The following METTL25 variants were observed in gnomAD, a reference collection of about 807,000 sequenced individuals.
The protein encoded by METTL25 is probable methyltransferase-like protein 25.
A neutral mutation model predicts 71.6 loss-of-function variants in METTL25; 64 were observed. The observed-to-expected ratio is 0.89, with a 90% CI of 0.73 to 1.10. The LOEUF (loss-of-function observed/expected upper bound fraction) is 1.10. METTL25 is among the 50% of genes least tolerant of loss of function. The pLI is 0.00. For missense variants in METTL25, 807 were observed against 707.0 expected (o/e 1.14, Z -1.60); for synonymous variants, 287 against 250.3 (o/e 1.15, Z -1.38).
intron 5 of METTL25, among the ~76,000 whole-genome samples, chr12:82,414,757 CATTTT>C (rs60052952): frequency 0.92 from 139,902 of 151,888 alleles, 64,785 homozygotes; most frequent in East Asian, 1. Flanking sequence ...ATAATCTACT[CATTTT>C]ATATATAAAT....
At chr12:82,431,034 T>C (rs1889454045) in intron 6 of METTL25, 47 bp downstream of exon 6, 1 of 1,303,864 alleles carries the variant, frequency 7.7e-7, no homozygotes, top group South Asian at 1.3e-5. Flanking sequence ...CCAGATGTTG[T>C]AGAATTTATT....
At position 82,399,007 on chromosome 12, in the gene METTL25, GCAAAATAAAGTT is replaced by G. The variant is rs750272215; in HGVS notation, c.745_756del (p.Gln249_Val252del). On this transcript the variant is annotated inframe_deletion, in exon 4 of 12. Transcript: ENST00000248306. ...TAAAAATGGCAAAAGAAAGGAAAGT[GCAAAATAAAGTT>G]AAAAATAAAGCTGATACTGAGGAAG... 1 of 1,608,910 alleles carries G rather than the reference GCAAAATAAAGTT, an allele frequency of 6.2e-7. No individual in the cohort carries two copies. Among genetic ancestry groups the G allele is most frequent in the East Asian group, 2.2e-5 (1 of 44,724 alleles).
chr12:82,396,729 C>A (rs1014680461), intron 3 of METTL25, among the ~76,000 whole-genome samples: 1 of 152,026 alleles, frequency 6.6e-6, no homozygotes, highest in African/African-American at 2.4e-5. Context: ...ATATACCTAT[C>A]CTCCTAAAAA....
Position 82,358,579 on chromosome 12 carries a change from GC to G in METTL25, c.17del (p.Pro6LeufsTer4). 6.2e-7 allele frequency: 1 copy of G among 1,611,458 alleles called. No homozygotes were observed. Among genetic ancestry groups the G allele is most frequent in the Non-Finnish European group, 8.5e-7 (1 of 1,179,872 alleles). On this transcript the variant is annotated frameshift_variant, in exon 1 of 12. Coordinates refer to ENST00000248306, the MANE Select transcript of METTL25 (RefSeq NM_032230.3). LOFTEE classifies it high-confidence loss of function. ...AGGGTGAGCGTCATGGCGGCTTCTT[GC>G]CCTCTCCCGGTGACCCCGGACCTGC... The part of the protein sequence containing the change: MAAS[C>X]PLPVTPDLPT...
chr12:82,363,924 T>C (rs1882262129), intron 1 of METTL25, among the ~76,000 whole-genome samples: 1 of 152,180 alleles, frequency 6.6e-6, no homozygotes. Flanking sequence ...GTTATAAATA[T>C]GTTTAAAGAG....
chr12:82,454,102 C>G (rs930632085), intron 8 of METTL25, among the ~76,000 whole-genome samples: 1 of 152,046 alleles, frequency 6.6e-6, no homozygotes, highest in Non-Finnish European at 1.5e-5. Context: ...AATAAAAAAT[C>G]TAATATTCTC....
chr12:82,449,899 C>T (rs1006175978), intron 8 of METTL25, among the ~76,000 whole-genome samples: 2 of 152,082 alleles, frequency 1.3e-5, no homozygotes, highest in African/African-American at 2.4e-5. Flanking sequence ...TTTCCCATTT[C>T]CCTTTAAACA....
At chr12:82,377,984 T>C (rs1224813905) in intron 1 of METTL25, among the ~76,000 whole-genome samples, 1 of 152,222 alleles carries the variant, frequency 6.6e-6, no homozygotes, top group Non-Finnish European at 1.5e-5. Context: ...CATCTTGATT[T>C]AGGCCGACAC....
At chr12:82,384,561 G>A (rs1393804741) in intron 1 of METTL25, among the ~76,000 whole-genome samples, 2 of 151,754 alleles carry the variant, frequency 1.3e-5, no homozygotes, top group Non-Finnish European at 2.9e-5. Flanking sequence ...GTAAAACTAG[G>A]GTTAGACCAA....
intron 8 of METTL25, among the ~76,000 whole-genome samples, chr12:82,440,153 TCA>T (rs1890212190): frequency 6.6e-6 from 1 of 151,990 alleles, no homozygotes; most frequent in Non-Finnish European, 1.5e-5. Context: ...TATGTTTTCT[TCA>T]CAGTTTCTTA....
Position 82,369,979 on chromosome 12 carries a change from C to T in METTL25, c.259+11155C>T, listed in dbSNP as rs888939994. 3.3e-5 allele frequency among the ~76,000 whole-genome samples: 5 copies of T among 152,106 alleles called. No individual in the cohort carries two copies. In the East Asian group the frequency reaches 9.7e-4, roughly 29 times the overall value. ...AGTGCTGATTGGTGCATTTATAATC[C>T]TCTAGCTAGACAGAAAAGTTCTTCA... On this transcript the variant is annotated intron_variant, in intron 1 of 11. Coordinates refer to ENST00000248306, the MANE Select transcript of METTL25 (RefSeq NM_032230.3).
intron 8 of METTL25, among the ~76,000 whole-genome samples, chr12:82,442,171 C>T (rs1195483389): frequency 6.6e-6 from 1 of 152,000 alleles, no homozygotes; most frequent in Non-Finnish European, 1.5e-5. Context: ...CAAGGTAACC[C>T]CTATCAGGGT....
intron 1 of METTL25, chr12:82,369,547 C>T (rs773108853): frequency 3.2e-5 from 14 of 433,086 alleles, no homozygotes; most frequent in East Asian, 1.5e-4. Context: ...AGAATGAAGC[C>T]GCGGACCTTC....
At chr12:82,358,891 C>T (rs1479994222) in intron 1 of METTL25, 67 bp downstream of exon 1, 2 of 1,532,616 alleles carry the variant, frequency 1.3e-6, no homozygotes, top group Non-Finnish European at 8.8e-7. Context: ...CGAAGCGAGC[C>T]CCCTGGTGGA....
intron 4 of METTL25, among the ~76,000 whole-genome samples, chr12:82,400,787 C>T (rs1379566840): frequency 6.6e-6 from 1 of 151,984 alleles, no homozygotes; most frequent in Non-Finnish European, 1.5e-5. Context: ...CCTACCCTCT[C>T]GCAATACTTA....
intron 7 of METTL25, among the ~76,000 whole-genome samples, chr12:82,435,403 T>G (rs1447414840): frequency 6.6e-6 from 1 of 151,512 alleles, no homozygotes; most frequent in Non-Finnish European, 1.5e-5. Flanking sequence ...ACAAGTATCA[T>G]TTACTGAGTG....
intron 8 of METTL25, 115 bp from the exon 9 acceptor site, chr12:82,456,612 T>G: frequency 1.7e-6 from 1 of 588,188 alleles, no homozygotes; most frequent in East Asian, 2.9e-5. Context: ...TTTGATCACA[T>G]TTGGATCTTG....
chr12:82,406,406 T>C (rs1295110441), intron 5 of METTL25, among the ~76,000 whole-genome samples: 1 of 152,200 alleles, frequency 6.6e-6, no homozygotes, highest in Non-Finnish European at 1.5e-5. Flanking sequence ...TCTATATTCT[T>C]ATATGTTTTA....
At chr12:82,447,138 G>A (rs1015031192) in intron 8 of METTL25, among the ~76,000 whole-genome samples, 3 of 151,496 alleles carry the variant, frequency 2.0e-5, no homozygotes, top group Admixed American at 6.6e-5. Flanking sequence ...ATAAAATTGA[G>A]ACTGAAAAAA....
Sources: gnomAD v4.1 joint callset for allele counts (sites outside exome capture counted in the v4.1 genomes callset) on GRCh38, gnomAD v4.1.1 for gene constraint, MANE v1.5 for transcripts, NCBI Gene and HGNC (gene_info 2026-07-23, HGNC 2026-07-21) for gene names.